SPTB: variants seen among roughly 807,000 people sequenced by gnomAD.
The protein encoded by SPTB is spectrin beta chain, erythrocytic.
In SPTB, 45 loss-of-function variants were observed where a neutral mutation model predicts 256.2. The ratio of observed to expected loss-of-function variants is 0.18; its 90% confidence interval spans 0.14 to 0.23. The LOEUF (loss-of-function observed/expected upper bound fraction) is 0.23. Among genes scored for constraint, SPTB ranks in the 10% least tolerant of loss-of-function variants. SPTB has a pLI of 1.00. For missense variants in SPTB, 2,715 were observed against 3,040.4 expected (o/e 0.89, Z 2.52); for synonymous variants, 1,231 against 1,243.1 (o/e 0.99, Z 0.21).
chr14:64,825,081 C>G lies in SPTB; in HGVS notation c.-51-1936G>C, dbSNP rs1336514217. On this transcript the variant is annotated intron_variant, in intron 1 of 35. Coordinates refer to ENST00000644917, the MANE Select transcript of SPTB (RefSeq NM_001355436.2). The surrounding 1 kb of genome is among the most constrained non-coding windows in gnomAD (Gnocchi z 4.8). ...GGCAGGTGGGGAAAGGACTGGAGCA[C>G]AGTTTATCCCCCTTGATCGGACAGG... Among the ~76,000 whole-genome samples, 1 of 151,208 alleles carries G rather than the reference C, an allele frequency of 6.6e-6. No individual in the cohort carries two copies. Among genetic ancestry groups the G allele is most frequent in the Admixed American group, 6.6e-5 (1 of 15,182 alleles).
At position 64,790,186 on chromosome 14, in the gene SPTB, T is replaced by C. The variant is rs916862913; in HGVS notation, c.2804+1533A>G. On this transcript the variant is annotated intron_variant, in intron 15 of 35. Transcript: ENST00000644917. This position sits in a 1 kb window ranked among gnomAD's most constrained non-coding sequence, Gnocchi z 4.8. ...TAGACTGGGTGACTTCTCAGGTTCC[T>C]TTCAACTCTCAAATTTAATTTCATG... is the stretch of plus-strand genomic sequence containing the variant. Among the ~76,000 whole-genome samples, 3 of 151,940 alleles carry C rather than the reference T, an allele frequency of 2.0e-5. No individual in the cohort carries two copies. Among genetic ancestry groups the C allele is most frequent in the Non-Finnish European group, 2.9e-5 (2 of 67,990 alleles).
chr14:64,823,149 G>C lies in SPTB; in HGVS notation c.-51-4C>G, dbSNP rs1416472120. 1.2e-6 allele frequency: 2 copies of C among 1,609,126 alleles called. No homozygotes were observed. The highest frequency in any genetic ancestry group is 1.7e-5 in the Admixed American group (1 of 60,002). On this transcript the variant is annotated splice_region_variant and splice_polypyrimidine_tract_variant and intron_variant, in intron 1 of 35. Transcript: ENST00000644917. This position sits in a 1 kb window ranked among gnomAD's most constrained non-coding sequence, Gnocchi z 6.5. The stretch of plus-strand genomic sequence containing the variant: ...CTCAGTCTTCATGGAAGGATCCCTG[G>C]GGGACAGCAACACAGTCAGAGGGTT...
In SPTB at chr14:64,753,753, G is replaced by A. The variant is rs2081984219; in HGVS notation, c.6386C>T (p.Pro2129Leu). The A allele has an allele frequency of 6.2e-7, 1 of 1,613,420 alleles. No homozygotes were observed. Among genetic ancestry groups the A allele is most frequent in the Admixed American group, 1.7e-5 (1 of 59,992 alleles). ...EGTWPQNLQQ[P>L]PPPGQHKDGQ... ...ATCCTTGTGCTGACCCGGCGGTGGT[G>A]GCTGCTGCAGGTTCTGAGGCCACGT... The change falls in exon 33 of 36, where the codon CCA (proline) becomes CTA (leucine). Residue 2129 changes from proline (P) to leucine (L), a missense_variant. Pro to Leu is a moderately conservative substitution (Grantham distance 98, BLOSUM62 -3). This residue lies in a region of SPTB where 2,239 missense variants were observed against 2,384.4 expected (regional missense o/e 0.94). Coordinates refer to ENST00000644917, the MANE Select transcript of SPTB (RefSeq NM_001355436.2).
At chr14:64,833,207 A>G (rs1427262563) in intron 1 of SPTB, among the ~76,000 whole-genome samples, 1 of 152,132 alleles carries the variant, frequency 6.6e-6, no homozygotes, top group African/African-American at 2.4e-5. Flanking sequence ...TCCTTTACAG[A>G]ATAACTTCTT....
intron 33 of SPTB, chr14:64,752,269 C>T (rs763464122): frequency 7.4e-7 from 1 of 1,343,272 alleles, no homozygotes; most frequent in Admixed American, 1.9e-5. Flanking sequence ...TCCTCCTCTT[C>T]ATCCTCCTCT....
Position 64,820,757 on chromosome 14 carries a change from G to A in SPTB, c.148+2190C>T, listed in dbSNP as rs533979556. On this transcript the variant is annotated intron_variant, in intron 2 of 35. Coordinates refer to ENST00000644917, the MANE Select transcript of SPTB (RefSeq NM_001355436.2). ...GTGATCTTGGGTCACTGCAACCTCC[G>A]CCTCCCGGGTTCAAGCAATTCTCGT... 4.6e-5 allele frequency among the ~76,000 whole-genome samples: 7 copies of A among 152,238 alleles called. No homozygotes were observed. The East Asian group carries it at 1.2e-3, about 25-fold the overall frequency.
chr14:64,810,088 C>A (rs1268030410), intron 2 of SPTB, among the ~76,000 whole-genome samples: 1 of 152,148 alleles, frequency 6.6e-6, no homozygotes, highest in Admixed American at 6.5e-5. Context: ...GGGCTACCAA[C>A]CTTTCCAGAT....
chr14:64,814,866 T>A (rs976420807), intron 2 of SPTB, among the ~76,000 whole-genome samples: 1 of 152,238 alleles, frequency 6.6e-6, no homozygotes, highest in African/African-American at 2.4e-5. Flanking sequence ...AAACAAGTTA[T>A]TGTAGACCAG....
At chr14:64,799,704 C>G in intron 9 of SPTB, 43 bp downstream of exon 9, 1 of 1,610,822 alleles carries the variant, frequency 6.2e-7, no homozygotes, top group Non-Finnish European at 8.5e-7. Context: ...TGGTCAGTTT[C>G]CCAGCCACTG....
rs1220578161 is a variant in SPTB, at chr14:64,785,507, G to A, written c.3855+30C>T. ...TCTGCTTCTAGAAAGGAATCTCCAG[G>A]AAAGCAGCCACTCCTTGCTGGAGCC... On this transcript the variant is annotated intron_variant, in intron 18 of 35. Coordinates refer to ENST00000644917, the MANE Select transcript of SPTB (RefSeq NM_001355436.2). This position sits in a 1 kb window ranked among gnomAD's most constrained non-coding sequence, Gnocchi z 4.4. The A allele has an allele frequency of 5.0e-6, 8 of 1,586,946 alleles. No individual in the cohort carries two copies. Among genetic ancestry groups the A allele is most frequent in the Non-Finnish European group, 6.9e-6 (8 of 1,163,190 alleles).
chr14:64,753,534 C>A lies in SPTB; in HGVS notation c.6602+3G>T. The A allele has an allele frequency of 1.2e-6, 2 of 1,613,442 alleles. No homozygotes were observed. The highest frequency in any genetic ancestry group is 1.7e-6 in the Non-Finnish European group (2 of 1,179,998). On this transcript the variant is annotated splice_donor_region_variant and intron_variant, in intron 33 of 35. Transcript: ENST00000644917. ...CTCAGCCAGCAGCCTCTCCCGCACT[C>A]ACCTGTTGGAAGCCTTCTTGTTGGG...
chr14:64,822,785 C>G (rs2083316117), intron 2 of SPTB, among the ~76,000 whole-genome samples, 162 bp downstream of exon 2: 1 of 152,220 alleles, frequency 6.6e-6, no homozygotes, highest in South Asian at 2.1e-4. Flanking sequence ...CCTGAGCTCC[C>G]TCCCAAGGGG....
chr14:64,868,349 G>GATTC lies in SPTB; in HGVS notation c.-52+11439_-52+11442dup, dbSNP rs1882322205. On this transcript the variant is annotated intron_variant, in intron 1 of 35. Transcript: ENST00000644917. The stretch of plus-strand genomic sequence containing the variant: ...AAAAGAAAGACCAAAAATGGTGTGA[G>GATTC]ATTCTTACTTGGGGGGATGGTGACA... Among the ~76,000 whole-genome samples, 5 of 152,242 alleles carry GATTC rather than the reference G, an allele frequency of 3.3e-5. No individual in the cohort carries two copies. In the South Asian group the frequency reaches 1.0e-3, roughly 32 times the overall value.
intron 1 of SPTB, among the ~76,000 whole-genome samples, chr14:64,862,091 A>G (rs1438317653): frequency 6.6e-6 from 1 of 152,146 alleles, no homozygotes; most frequent in African/African-American, 2.4e-5. Flanking sequence ...CCTGGGCTCA[A>G]CTTGCTACAG....
At chr14:64,750,311 A>G in intron 33 of SPTB, 157 bp from the exon 34 acceptor site, 1 of 819,664 alleles carries the variant, frequency 1.2e-6, no homozygotes, top group Non-Finnish European at 1.8e-6. Context: ...TAATTTCATT[A>G]CAAAAAATTA....
At chr14:64,756,190 T>C (rs2139438987) in intron 32 of SPTB, 1 of 152,366 alleles carries the variant, frequency 6.6e-6, no homozygotes, top group East Asian at 1.9e-4. Flanking sequence ...TTTCAGAGTG[T>C]ATTGTCTCTG....
At position 64,786,473 on chromosome 14, in the gene SPTB, G is replaced by C. The variant is rs746153887; in HGVS notation, c.3492C>G (p.Leu1164=). The change falls in exon 16 of 36, where the codon CTC becomes CTG. Residue 1164 remains leucine (L), a synonymous_variant. Transcript: ENST00000644917. The surrounding 1 kb of genome is among the most constrained non-coding windows in gnomAD (Gnocchi z 5.6). ...ACTCCTGGAAGCCAAGGCACTGAGCGAGGGTGTGGCTGCGGCTCTCCCACA... is the reference window on the plus strand; with the variant it reads ...ACTCCTGGAAGCCAAGGCACTGAGCCAGGGTGTGGCTGCGGCTCTCCCACA... The part of the protein sequence containing the change: ...GRMWESRSHT[L]AQCLGFQEFQ... The C allele has an allele frequency of 6.2e-7, 1 of 1,614,144 alleles. No individual in the cohort carries two copies. Among genetic ancestry groups the C allele is most frequent in the Non-Finnish European group, 8.5e-7 (1 of 1,180,034 alleles).
At position 64,772,849 on chromosome 14, in the gene SPTB, G is replaced by C; in HGVS notation, c.5284C>G (p.His1762Asp). Residue 1762 changes from histidine (H) to aspartate (D), a missense_variant, in exon 26 of 36, where the codon CAC becomes GAC. Physicochemically the swap from His to Asp is moderately conservative, Grantham distance 81. Coordinates refer to ENST00000644917, the MANE Select transcript of SPTB (RefSeq NM_001355436.2). The surrounding 1 kb of genome is among the most constrained non-coding windows in gnomAD (Gnocchi z 5.4). ...TCGGCGATGGTGGCCGCCTCGCTGT[G>C]GCCCGCGTCGATGAGTCGCTCGATG... ...AFIERLIDAG[H>D]SEAATIAEWK... 1 of 1,613,294 alleles carries C rather than the reference G, an allele frequency of 6.2e-7. No homozygotes were observed. The highest frequency in any genetic ancestry group is 8.5e-7 in the Non-Finnish European group (1 of 1,179,674).
chr14:64,779,673 G>T lies in SPTB; in HGVS notation c.4473+52C>A. The T allele has an allele frequency of 6.2e-7, 1 of 1,603,446 alleles. No individual in the cohort carries two copies. The highest frequency in any genetic ancestry group is 8.5e-7 in the Non-Finnish European group (1 of 1,170,738). On this transcript the variant is annotated intron_variant, in intron 21 of 35. Coordinates refer to ENST00000644917, the MANE Select transcript of SPTB (RefSeq NM_001355436.2). This position sits in a 1 kb window ranked among gnomAD's most constrained non-coding sequence, Gnocchi z 4.2. ...CTGGGTGGCAGCCAGCTACTCTGAT[G>T]GCAGCTGGTGGCTCAGCCTCAGGAG...
Sources: gnomAD v4.1 joint callset for allele counts (sites outside exome capture counted in the v4.1 genomes callset) on GRCh38, gnomAD v4.1.1 for gene constraint, gnomAD v4.1.1 regional missense constraint, Gnocchi (gnomAD v3.1) non-coding constraint, MANE v1.5 for transcripts, NCBI Gene and HGNC (gene_info 2026-07-23, HGNC 2026-07-21) for gene names.